The following PHC2 variants were observed in gnomAD, a reference collection of about 807,000 sequenced individuals.
PHC2 encodes the protein polyhomeotic-like protein 2.
A neutral mutation model predicts 87.4 loss-of-function variants in PHC2; 29 were observed. That is an observed-to-expected ratio of 0.33 (90% CI 0.25 to 0.45). The LOEUF (loss-of-function observed/expected upper bound fraction) is 0.45. Ranked by LOEUF, PHC2 falls within the 20% of genes least tolerant of loss-of-function variation. PHC2 has a pLI of 1.00. For missense variants in PHC2, 857 were observed against 1,136.7 expected, an observed-to-expected ratio of 0.75 and a Z score of 3.54; for synonymous variants, 438 against 461.7, an observed-to-expected ratio of 0.95 and a Z score of 0.66.
At position 33,332,325 on chromosome 1, in the gene PHC2, T is replaced by C. The variant is rs1646518801; in HGVS notation, c.1841A>G (p.Gln614Arg). 1 of 1,614,194 alleles carries C rather than the reference T, an allele frequency of 6.2e-7. No homozygotes were observed. The highest frequency in any genetic ancestry group is 8.5e-7 in the Non-Finnish European group (1 of 1,180,016). ...CGAGTCAGTGGTGGTGGTGTGATCCTGCTGTGGAAGTTTCTCAGGCAGGAA... is the reference window on the plus strand; with the variant it reads ...CGAGTCAGTGGTGGTGGTGTGATCCCGCTGTGGAAGTTTCTCAGGCAGGAA... ...QGFLPEKLPQ[Q>R]DHTTTTDSEM... Residue 614 changes from glutamine to arginine, a missense_variant, in exon 11 of 15, where the codon CAG (glutamine) becomes CGG (arginine). This residue lies in a region of PHC2 where 832 missense variants were observed against 1,081.8 expected (regional missense o/e 0.77). Coordinates refer to ENST00000683057, the MANE Select transcript of PHC2 (RefSeq NM_001385109.1). This position sits in a 1 kb window ranked among gnomAD's most constrained non-coding sequence, Gnocchi z 4.2.
At chr1:33,394,817 G>A (rs992129568) in intron 1 of PHC2, among the ~76,000 whole-genome samples, 1 of 152,130 alleles carries the variant, frequency 6.6e-6, no homozygotes, top group African/African-American at 2.4e-5. Flanking sequence ...TGATCCTTCT[G>A]CCTTGGCCTC....
intron 14 of PHC2, 51 bp from the exon 15 acceptor site, chr1:33,325,070 C>T (rs767949117): frequency 1.3e-6 from 2 of 1,526,326 alleles, no homozygotes; most frequent in Non-Finnish European, 1.8e-6. Context: ...CAGTGTTCAC[C>T]TCTGGCAGCC....
chr1:33,330,255 G>A lies in PHC2; in HGVS notation c.2007-43C>T, dbSNP rs769835564. 1.9e-6 allele frequency: 3 copies of A among 1,606,020 alleles called. No homozygotes were observed. In the South Asian group the frequency reaches 3.3e-5, roughly 18 times the overall value. On this transcript the variant is annotated intron_variant, in intron 12 of 14. Transcript: ENST00000683057. Reference sequence around the variant, plus strand: ...CAGGGGATGTCACAGTAGTCATTGTGCTTATGGGCCGTAGGCAGAATGAGC... The same window carrying A: ...CAGGGGATGTCACAGTAGTCATTGTACTTATGGGCCGTAGGCAGAATGAGC...
intron 1 of PHC2, among the ~76,000 whole-genome samples, chr1:33,401,070 T>C (rs1649503732): frequency 6.6e-6 from 1 of 152,228 alleles, no homozygotes; most frequent in African/African-American, 2.4e-5. Flanking sequence ...CTCACGTCTG[T>C]AATCCTAGCA....
At chr1:33,385,454 C>T (rs564078433) in intron 1 of PHC2, among the ~76,000 whole-genome samples, 7 of 152,204 alleles carry the variant, frequency 4.6e-5, no homozygotes, top group African/African-American at 9.6e-5. Flanking sequence ...GGCCATGTTA[C>T]GTAACCTTTC....
At chr1:33,383,550 G>A (rs917054917) in intron 1 of PHC2, among the ~76,000 whole-genome samples, 5 of 152,182 alleles carry the variant, frequency 3.3e-5, no homozygotes, top group Non-Finnish European at 7.3e-5. Flanking sequence ...GGTGGTGCTG[G>A]TTGGTTGAAG....
intron 1 of PHC2, among the ~76,000 whole-genome samples, chr1:33,409,197 T>C (rs1649887115): frequency 6.6e-6 from 1 of 152,222 alleles, no homozygotes. Flanking sequence ...TTTATTAATT[T>C]ATCTTTAAAA....
chr1:33,419,124 T>G (rs1399903470), intron 1 of PHC2, among the ~76,000 whole-genome samples: 2 of 152,240 alleles, frequency 1.3e-5, no homozygotes, highest in East Asian at 3.8e-4. Context: ...AGTAAATACA[T>G]TTCAAATGCT....
chr1:33,328,866 T>C lies in PHC2; in HGVS notation c.2425+4A>G. 1 of 1,600,776 alleles carries C rather than the reference T, an allele frequency of 6.2e-7. No individual in the cohort carries two copies. Among genetic ancestry groups the C allele is most frequent in the South Asian group, 1.1e-5 (1 of 90,820 alleles). On this transcript the variant is annotated splice_donor_region_variant and intron_variant, in intron 14 of 14. Coordinates refer to ENST00000683057, the MANE Select transcript of PHC2 (RefSeq NM_001385109.1). Reference sequence around the variant, plus strand: ...GGGAGACATGGAATTTCCAAGGGCCTTACCTGGCAGAGAGCGGATGAATTC... The same window carrying C: ...GGGAGACATGGAATTTCCAAGGGCCCTACCTGGCAGAGAGCGGATGAATTC...
At chr1:33,352,465 A>G (rs998822781) in intron 9 of PHC2, among the ~76,000 whole-genome samples, 2 of 152,190 alleles carry the variant, frequency 1.3e-5, no homozygotes, top group African/African-American at 4.8e-5. Context: ...GGATTAAATG[A>G]GGAAATATGT....
chr1:33,383,737 C>A (rs998334556), intron 1 of PHC2, among the ~76,000 whole-genome samples: 3 of 152,134 alleles, frequency 2.0e-5, no homozygotes, highest in Non-Finnish European at 4.4e-5. Flanking sequence ...TCTATGGGCC[C>A]CTAATCAAAT....
In PHC2 at chr1:33,349,836, G is replaced by C; in HGVS notation, c.1558+4565C>G. 1.0e-6 allele frequency: 1 copy of C among 976,934 alleles called. No individual in the cohort carries two copies. The allele number at this position is 976,934 out of a possible 1,614,324, so 60.5% of individuals were successfully genotyped here. ...AGGCCGGGGCGGGAGCGCGGGCGGCGGCCGGGGTTGCGCGCGCGCGCGCGG... is the reference window on the plus strand; with the variant it reads ...AGGCCGGGGCGGGAGCGCGGGCGGCCGCCGGGGTTGCGCGCGCGCGCGCGG... On this transcript the variant is annotated intron_variant, in intron 9 of 14. Coordinates refer to ENST00000683057, the MANE Select transcript of PHC2 (RefSeq NM_001385109.1). This position sits in a 1 kb window ranked among gnomAD's most constrained non-coding sequence, Gnocchi z 4.2.
intron 1 of PHC2, among the ~76,000 whole-genome samples, chr1:33,395,043 G>A (rs1557844118): frequency 6.6e-6 from 1 of 152,140 alleles, no homozygotes; most frequent in Non-Finnish European, 1.5e-5. Flanking sequence ...GTACAAATAC[G>A]TTCATAGCAG....
At position 33,334,245 on chromosome 1, in the gene PHC2, C is replaced by T. The variant is rs779285846; in HGVS notation, c.1606G>A (p.Gly536Ser). Residue 536 changes from glycine to serine, a missense_variant, in exon 10 of 15, where the codon GGC becomes AGC. This residue lies in a region of PHC2 where 832 missense variants were observed against 1,081.8 expected (regional missense o/e 0.77). Transcript: ENST00000683057. This position sits in a 1 kb window ranked among gnomAD's most constrained non-coding sequence, Gnocchi z 5.5. ...GAGTTTCCGTTCCCTGAGGTCATGC[C>T]GGGGCTGCTGAGGTCGGTCAGTGCA... ...VHALTDLSSP[G>S]MTSGNGNSAS... 5 of 1,611,890 alleles carry T rather than the reference C, an allele frequency of 3.1e-6. No homozygotes were observed. The highest frequency in any genetic ancestry group is 3.4e-6 in the Non-Finnish European group (4 of 1,179,484).
chr1:33,412,060 T>C (rs1650005199), intron 1 of PHC2, among the ~76,000 whole-genome samples: 1 of 152,160 alleles, frequency 6.6e-6, no homozygotes, highest in Non-Finnish European at 1.5e-5. Flanking sequence ...CATTCAATTG[T>C]CTATTCAATA....
chr1:33,354,976 G>A lies in PHC2; in HGVS notation c.1254C>T (p.Gly418=), dbSNP rs751057073. 6.2e-6 allele frequency: 10 copies of A among 1,614,080 alleles called. No homozygotes were observed. The East Asian group carries it at 6.7e-5, about 11-fold the overall frequency. Reference sequence around the variant, plus strand: ...TGGGAGGGTGACACTGCTGACTGCCGCCAGGCTTGTGCAGGTTGGCAGTGG... The same window carrying A: ...TGGGAGGGTGACACTGCTGACTGCCACCAGGCTTGTGCAGGTTGGCAGTGG... The part of the protein sequence containing the change: ...QCPTANLHKP[G]GSQQCHPPTP... Residue 418 remains glycine, a synonymous_variant, in exon 8 of 15, where the codon GGC becomes GGT. Transcript: ENST00000683057.
intron 1 of PHC2, among the ~76,000 whole-genome samples, chr1:33,388,577 G>A (rs923537285): frequency 4.6e-5 from 7 of 151,740 alleles, no homozygotes; most frequent in Non-Finnish European, 7.4e-5. Flanking sequence ...TGCCCACCTC[G>A]GCCTCCCAAA....
In PHC2 at chr1:33,323,661, A is replaced by C. The variant is rs1190595215; in HGVS notation, c.*1204T>G. ...AGATTTATTTTTAAAAAACAAAACA[A>C]AGGTTAAAAAAGTCCTTCATTTCCA... On this transcript the variant is annotated 3_prime_UTR_variant, in exon 15 of 15. Coordinates refer to ENST00000683057, the MANE Select transcript of PHC2 (RefSeq NM_001385109.1). 1.3e-5 allele frequency: 2 copies of C among 152,622 alleles called. No homozygotes were observed. The highest frequency in any genetic ancestry group is 4.1e-4 in the South Asian group (2 of 4,832). The allele number at this position is 152,622 out of a possible 1,614,324, so 9.5% of individuals were successfully genotyped here.
chr1:33,415,649 A>G (rs1300103162), intron 1 of PHC2, among the ~76,000 whole-genome samples: 1 of 152,250 alleles, frequency 6.6e-6, no homozygotes, highest in Non-Finnish European at 1.5e-5. Flanking sequence ...TGGGAAGATC[A>G]GACTTTTAGC....
Sources: gnomAD v4.1 joint callset for allele counts (sites outside exome capture counted in the v4.1 genomes callset) on GRCh38, gnomAD v4.1.1 for gene constraint, gnomAD v4.1.1 regional missense constraint, Gnocchi (gnomAD v3.1) non-coding constraint, MANE v1.5 for transcripts, NCBI Gene and HGNC (gene_info 2026-07-23, HGNC 2026-07-21) for gene names.